Variants in PCDHGB6 observed in about 807,000 individuals in gnomAD.
The protein encoded by PCDHGB6 is protocadherin gamma subfamily B, 6, also known as protocadherin gamma-B6.
PCDHGB6 carries 51 observed loss-of-function variants against 59.1 expected under a neutral mutation model. That is an observed-to-expected ratio of 0.86 (90% CI 0.69 to 1.09). PCDHGB6 has a LOEUF of 1.09. Ranked by LOEUF, PCDHGB6 falls within the 50% of genes least tolerant of loss-of-function variation. The pLI, the probability that PCDHGB6 is intolerant of heterozygous loss-of-function variation, is 0.00. For synonymous variants in PCDHGB6, 466 were observed against 495.1 expected, an observed-to-expected ratio of 0.94 and a Z score of 0.78; for missense variants, 1,148 against 1,205.1, an observed-to-expected ratio of 0.95 and a Z score of 0.70.
At position 141,438,956 on chromosome 5, in the gene PCDHGB6, G is replaced by A. The variant is rs140181975; in HGVS notation, c.2418+28336G>A. 3.9e-3 allele frequency among the ~76,000 whole-genome samples: 592 copies of A among 151,974 alleles called. 6 individuals are homozygous for A. Among genetic ancestry groups the A allele is most frequent in the Admixed American group, 0.011 (171 of 15,242 alleles). On this transcript the variant is annotated intron_variant, in intron 1 of 3. Coordinates refer to ENST00000520790, the MANE Select transcript of PCDHGB6 (RefSeq NM_018926.3). ...GCTGGGATTATAGGCATGAGCCACCGCACCCTGCCAACTGTCTGACTTATC... is the reference window on the plus strand; with the variant it reads ...GCTGGGATTATAGGCATGAGCCACCACACCCTGCCAACTGTCTGACTTATC...
chr5:141,432,722 T>G lies in PCDHGB6; in HGVS notation c.2418+22102T>G, dbSNP rs2097531915. 6.2e-7 allele frequency: 1 copy of G among 1,613,646 alleles called. No homozygotes were observed. Among genetic ancestry groups the G allele is most frequent in the African/African-American group, 1.3e-5 (1 of 74,900 alleles). ...CCAGGACCACGGCCAGCCCCCTCTC[T>G]CCGCCACTGTCACGCTCACCGTGGC... On this transcript the variant is annotated intron_variant, in intron 1 of 3. Coordinates refer to ENST00000520790, the MANE Select transcript of PCDHGB6 (RefSeq NM_018926.3). The surrounding 1 kb of genome is among the most constrained non-coding windows in gnomAD (Gnocchi z 6.0).
chr5:141,426,719 A>G (rs776136674), intron 1 of PCDHGB6: 2 of 446,424 alleles, frequency 4.5e-6, no homozygotes, highest in Non-Finnish European at 9.1e-6. Context: ...ATGAACTAGC[A>G]ATTCCAGGCA....
At position 141,490,712 on chromosome 5, in the gene PCDHGB6, A is replaced by T; in HGVS notation, c.2419-4095A>T. The stretch of plus-strand genomic sequence containing the variant: ...ACTGGGGATAATGCCCGCCTCACCT[A>T]CTCCATTGTAGGAAATCAGGTTCAG... On this transcript the variant is annotated intron_variant, in intron 1 of 3. Transcript: ENST00000520790. The surrounding 1 kb of genome is among the most constrained non-coding windows in gnomAD (Gnocchi z 5.4). The T allele has an allele frequency of 6.2e-7, 1 of 1,613,686 alleles. No homozygotes were observed. The highest frequency in any genetic ancestry group is 8.5e-7 in the Non-Finnish European group (1 of 1,179,894).
chr5:141,423,628 A>G (rs1272272666), intron 1 of PCDHGB6: 2 of 1,604,848 alleles, frequency 1.2e-6, no homozygotes, highest in African/African-American at 1.3e-5. Context: ...CTCAGCTATC[A>G]TTTTAGGCAA....
At chr5:141,506,609 T>C (rs1375963880) in intron 3 of PCDHGB6, among the ~76,000 whole-genome samples, 1 of 152,184 alleles carries the variant, frequency 6.6e-6, no homozygotes, top group African/African-American at 2.4e-5. Context: ...GATCTCATTG[T>C]GGTGTTACCA....
chr5:141,441,838 C>A, intron 1 of PCDHGB6: 1 of 355,582 alleles, frequency 2.8e-6, no homozygotes, highest in Non-Finnish European at 5.5e-6. Context: ...TGGCTTCGCG[C>A]TCTTGGATAT....
chr5:141,413,684 C>T, intron 1 of PCDHGB6: 1 of 1,613,838 alleles, frequency 6.2e-7, no homozygotes, highest in Non-Finnish European at 8.5e-7. Context: ...GGCGTGAACT[C>T]CCTGCAGAGC....
chr5:141,447,849 G>A (rs2154561912), intron 1 of PCDHGB6, among the ~76,000 whole-genome samples: 1 of 152,306 alleles, frequency 6.6e-6, no homozygotes, highest in East Asian at 1.9e-4. Context: ...GCTTTGGGAG[G>A]CCGAGGTGGG....
At chr5:141,421,894 C>A in intron 1 of PCDHGB6, 3 of 1,613,704 alleles carry the variant, frequency 1.9e-6, no homozygotes, top group Non-Finnish European at 2.5e-6. Context: ...CGATCCCATC[C>A]GAAAGGGCGC....
Position 141,491,508 on chromosome 5 carries a change from G to A in PCDHGB6, c.2419-3299G>A. The A allele has an allele frequency of 6.2e-7, 1 of 1,614,030 alleles. No individual in the cohort carries two copies. The highest frequency in any genetic ancestry group is 8.5e-7 in the Non-Finnish European group (1 of 1,180,014). The stretch of plus-strand genomic sequence containing the variant: ...ACCTGCAGGTGAGCTCGGACGGCAC[G>A]CTCAAGTACATGGAGGTGACGCTGC... On this transcript the variant is annotated intron_variant, in intron 1 of 3. Transcript: ENST00000520790. This position sits in a 1 kb window ranked among gnomAD's most constrained non-coding sequence, Gnocchi z 6.9.
In PCDHGB6 at chr5:141,486,675, A is replaced by T; in HGVS notation, c.2419-8132A>T. On this transcript the variant is annotated intron_variant, in intron 1 of 3. Coordinates refer to ENST00000520790, the MANE Select transcript of PCDHGB6 (RefSeq NM_018926.3). The surrounding 1 kb of genome is among the most constrained non-coding windows in gnomAD (Gnocchi z 5.0). ...TCACTCCTGGAGCCCAGGAATCGAGATGTATCAGCTTCCTCTTTCATCTCT... is the reference window on the plus strand; with the variant it reads ...TCACTCCTGGAGCCCAGGAATCGAGTTGTATCAGCTTCCTCTTTCATCTCT... The T allele has an allele frequency of 6.2e-7, 1 of 1,614,056 alleles. No individual in the cohort carries two copies. The highest frequency in any genetic ancestry group is 8.5e-7 in the Non-Finnish European group (1 of 1,180,016).
Position 141,477,198 on chromosome 5 carries a change from TACCCGAGGATG to T in PCDHGB6, c.2419-17608_2419-17598del. 6.2e-7 allele frequency: 1 copy of T among 1,614,194 alleles called. No homozygotes were observed. The highest frequency in any genetic ancestry group is 2.2e-5 in the East Asian group (1 of 44,874). On this transcript the variant is annotated intron_variant, in intron 1 of 3. Transcript: ENST00000520790. The surrounding 1 kb of genome is among the most constrained non-coding windows in gnomAD (Gnocchi z 4.9). ...ACAGTCACCTCCGTGTACAGCCCAG[TACCCGAGGATG>T]CCCCTCTGGGGACTGTCATCGCTTT...
chr5:141,417,682 AAAAG>A (rs2096147308), intron 1 of PCDHGB6: 2 of 1,035,494 alleles, frequency 1.9e-6, no homozygotes, highest in Non-Finnish European at 2.7e-6. Context: ...CCAACAACAG[AAAAG>A]AAAACCAGCT....
chr5:141,423,551 A>T, intron 1 of PCDHGB6: 2 of 1,613,616 alleles, frequency 1.2e-6, no homozygotes, highest in Non-Finnish European at 1.7e-6. Context: ...CCCCAGCCCA[A>T]CTATGGGGAC....
intron 1 of PCDHGB6, chr5:141,418,453 G>T (rs2096259626): frequency 1.2e-6 from 2 of 1,614,060 alleles, no homozygotes; most frequent in East Asian, 4.5e-5. Flanking sequence ...TATTGCAGAA[G>T]ACTCTGGACC....
At chr5:141,494,232 A>T (rs2099752983) in intron 1 of PCDHGB6, among the ~76,000 whole-genome samples, 1 of 152,168 alleles carries the variant, frequency 6.6e-6, no homozygotes, top group African/African-American at 2.4e-5. Flanking sequence ...TCCTAAATTA[A>T]TAATGTATTT....
In PCDHGB6 at chr5:141,489,483, T is replaced by C. The variant is rs2099687756; in HGVS notation, c.2419-5324T>C. ...GCTATTTTTCCCTGAGCTTGATGAGTGGTGCCCTGGCAGTGAATCAAAAGA... is the reference window on the plus strand; with the variant it reads ...GCTATTTTTCCCTGAGCTTGATGAGCGGTGCCCTGGCAGTGAATCAAAAGA... On this transcript the variant is annotated intron_variant, in intron 1 of 3. Coordinates refer to ENST00000520790, the MANE Select transcript of PCDHGB6 (RefSeq NM_018926.3). This position sits in a 1 kb window ranked among gnomAD's most constrained non-coding sequence, Gnocchi z 4.5. 1 of 1,613,862 alleles carries C rather than the reference T, an allele frequency of 6.2e-7. No individual in the cohort carries two copies. The highest frequency in any genetic ancestry group is 1.1e-5 in the South Asian group (1 of 91,078).
chr5:141,459,939 G>A (rs377668643), intron 1 of PCDHGB6, among the ~76,000 whole-genome samples: 7 of 152,256 alleles, frequency 4.6e-5, no homozygotes, highest in Non-Finnish European at 7.4e-5. Flanking sequence ...GTAGCTGGGC[G>A]TGATGGCAGG....
At position 141,490,938 on chromosome 5, in the gene PCDHGB6, C is replaced by T. The variant is rs2099706179; in HGVS notation, c.2419-3869C>T. ...ATGATAATGCCCCAGCTGTGCTGCA[C>T]CCACGGCCAGACTGGGAACACTCAG... On this transcript the variant is annotated intron_variant, in intron 1 of 3. Coordinates refer to ENST00000520790, the MANE Select transcript of PCDHGB6 (RefSeq NM_018926.3). This position sits in a 1 kb window ranked among gnomAD's most constrained non-coding sequence, Gnocchi z 5.4. 6.2e-7 allele frequency: 1 copy of T among 1,613,554 alleles called. No homozygotes were observed. Among genetic ancestry groups the T allele is most frequent in the African/African-American group, 1.3e-5 (1 of 74,934 alleles).
Sources: gnomAD v4.1 joint callset for allele counts (sites outside exome capture counted in the v4.1 genomes callset) on GRCh38, gnomAD v4.1.1 for gene constraint, Gnocchi (gnomAD v3.1) non-coding constraint, MANE v1.5 for transcripts, NCBI Gene and HGNC (gene_info 2026-07-23, HGNC 2026-07-21) for gene names.